Variants in RPTOR observed in about 807,000 individuals in gnomAD.
RPTOR encodes the protein regulatory associated protein of MTOR complex 1.
In RPTOR, 21 loss-of-function variants were observed where a neutral mutation model predicts 169.9. The ratio of observed to expected loss-of-function variants is 0.12; its 90% confidence interval spans 0.09 to 0.18. The LOEUF (loss-of-function observed/expected upper bound fraction) is 0.18. RPTOR is among the 10% of genes least tolerant of loss of function. The pLI, the probability that RPTOR is intolerant of heterozygous loss-of-function variation, is 1.00. For missense variants in RPTOR, 1,133 were observed against 1,855.9 expected (o/e 0.61, Z 7.16); for synonymous variants, 732 against 753.2 (o/e 0.97, Z 0.46).
chr17:80,930,396 T>TCAG (rs2068876297), intron 24 of RPTOR, among the ~76,000 whole-genome samples: 2 of 1,012 alleles, frequency 2.0e-3, no homozygotes, highest in Non-Finnish European at 2.2e-3. Context: ...CTCAGCTCAT[T>TCAG]CTCAGCTCAT....
At chr17:80,668,833 G>A (rs1358985981) in intron 3 of RPTOR, among the ~76,000 whole-genome samples, 3 of 152,254 alleles carry the variant, frequency 2.0e-5, no homozygotes, top group African/African-American at 7.2e-5. Flanking sequence ...ATTCGGGTTT[G>A]AGCATGAGAA....
chr17:80,596,569 A>G (rs1487991339), intron 1 of RPTOR, among the ~76,000 whole-genome samples: 4 of 151,898 alleles, frequency 2.6e-5, no homozygotes, highest in Non-Finnish European at 4.4e-5. Flanking sequence ...CAAGGTTTCT[A>G]TTTTACTTAT....
rs113570504 is a variant in RPTOR, at chr17:80,689,140, G to A, written c.349-18701G>A. On this transcript the variant is annotated intron_variant, in intron 3 of 33. Transcript: ENST00000306801. ...CATATGTATGGAGTATGTCTGTGCAGCATTCTTAAAGTGACAGGACTACCT... is the reference window on the plus strand; with the variant it reads ...CATATGTATGGAGTATGTCTGTGCAACATTCTTAAAGTGACAGGACTACCT... Among the ~76,000 whole-genome samples, 576 of 152,338 alleles carry A rather than the reference G, an allele frequency of 3.8e-3. 4 individuals are homozygous for A. The Middle Eastern group carries it at 0.041, about 11-fold the overall frequency.
chr17:80,849,375 C>G (rs1254626517), intron 11 of RPTOR, among the ~76,000 whole-genome samples: 2 of 152,212 alleles, frequency 1.3e-5, no homozygotes, highest in Non-Finnish European at 2.9e-5. Context: ...TTCGCAGCCC[C>G]TCCTGTAAAC....
chr17:80,828,354 C>G (rs1413421603), intron 9 of RPTOR, among the ~76,000 whole-genome samples: 3 of 152,216 alleles, frequency 2.0e-5, no homozygotes, highest in African/African-American at 2.4e-5. Context: ...ATTTTGCAGT[C>G]AGCTGCATCC....
At chr17:80,648,661 C>G (rs2065615210) in intron 3 of RPTOR, among the ~76,000 whole-genome samples, 1 of 152,120 alleles carries the variant, frequency 6.6e-6, no homozygotes, top group Non-Finnish European at 1.5e-5. Context: ...GTGGGCAAAG[C>G]AATTGGTATC....
intron 20 of RPTOR, among the ~76,000 whole-genome samples, chr17:80,894,743 G>A (rs1031427814): frequency 2.0e-5 from 3 of 151,992 alleles, no homozygotes; most frequent in Non-Finnish European, 4.4e-5. Flanking sequence ...AAAATTTACA[G>A]AGACTTATAT....
intron 1 of RPTOR, among the ~76,000 whole-genome samples, chr17:80,556,296 G>GAGCCC (rs1306138833): frequency 6.6e-6 from 1 of 152,110 alleles, no homozygotes; most frequent in East Asian, 1.9e-4. Flanking sequence ...ACTACATGCT[G>GAGCCC]AGCCCAGGAA....
chr17:80,742,576 A>T (rs1181593585), intron 5 of RPTOR, among the ~76,000 whole-genome samples: 1 of 92,380 alleles, frequency 1.1e-5, no homozygotes, highest in African/African-American at 4.1e-5. Flanking sequence ...ATGCACACAC[A>T]TAGACATATA....
chr17:80,578,597 G>A (rs142283638), intron 1 of RPTOR, among the ~76,000 whole-genome samples: 6 of 152,278 alleles, frequency 3.9e-5, no homozygotes, highest in African/African-American at 9.6e-5. Context: ...TCAACCAAGC[G>A]GATTTAGGTG....
intron 5 of RPTOR, among the ~76,000 whole-genome samples, chr17:80,735,708 C>T (rs1434144027): frequency 6.6e-6 from 1 of 152,120 alleles, no homozygotes; most frequent in African/African-American, 2.4e-5. Context: ...TGCCTTTCTT[C>T]TGCTGGGACA....
At chr17:80,688,112 A>G (rs990403450) in intron 3 of RPTOR, among the ~76,000 whole-genome samples, 2 of 152,168 alleles carry the variant, frequency 1.3e-5, no homozygotes, top group Non-Finnish European at 1.5e-5. Context: ...GCTTTTATTG[A>G]TAAGTAGTCA....
chr17:80,807,269 A>ATATT (rs1392461093), intron 7 of RPTOR, among the ~76,000 whole-genome samples: 3 of 152,184 alleles, frequency 2.0e-5, no homozygotes, highest in African/African-American at 7.2e-5. Context: ...AGTAATTGAT[A>ATATT]TATTTGGGTT....
At chr17:80,606,780 G>GCCATCCAT (rs138907285) in intron 1 of RPTOR, among the ~76,000 whole-genome samples, 16 of 151,508 alleles carry the variant, frequency 1.1e-4, no homozygotes, top group South Asian at 6.3e-4. Context: ...CTTCCGTCTG[G>GCCATCCAT]CCATCCATCC....
chr17:80,704,183 T>C (rs1159667131), intron 3 of RPTOR, among the ~76,000 whole-genome samples: 1 of 152,246 alleles, frequency 6.6e-6, no homozygotes, highest in African/African-American at 2.4e-5. Flanking sequence ...TTCAGACTTA[T>C]TTTCTAATTT....
At chr17:80,580,235 A>G (rs564442006) in intron 1 of RPTOR, among the ~76,000 whole-genome samples, 1 of 152,220 alleles carries the variant, frequency 6.6e-6, no homozygotes, top group Non-Finnish European at 1.5e-5. Context: ...GAGACAGTGT[A>G]TAAATCTTTG....
intron 3 of RPTOR, among the ~76,000 whole-genome samples, chr17:80,706,273 A>G (rs957549740): frequency 1.3e-5 from 2 of 151,634 alleles, no homozygotes; most frequent in Admixed American, 1.3e-4. Context: ...CCCCTCCCCA[A>G]CCCCAGAAGG....
Position 80,562,935 on chromosome 17 carries a change from C to T in RPTOR, c.162+17144C>T, listed in dbSNP as rs1444058911. Among the ~76,000 whole-genome samples the T allele has an allele frequency of 1.3e-5, 2 of 152,236 alleles. No individual in the cohort carries two copies. The highest frequency in any genetic ancestry group is 2.9e-5 in the Non-Finnish European group (2 of 68,040). ...TTAGTTTTCAGCTAGGTGTGACCGT[C>T]GCCTGCCTTGCTGCCGATGTCCTGA... On this transcript the variant is annotated intron_variant, in intron 1 of 33. Coordinates refer to ENST00000306801, the MANE Select transcript of RPTOR (RefSeq NM_020761.3). This position sits in a 1 kb window ranked among gnomAD's most constrained non-coding sequence, Gnocchi z 4.4.
intron 24 of RPTOR, among the ~76,000 whole-genome samples, chr17:80,927,228 A>G (rs779887803): frequency 3.9e-5 from 6 of 152,220 alleles, no homozygotes; most frequent in Admixed American, 2.6e-4. Flanking sequence ...TGAAAAGTCA[A>G]TGGAATTTAG....
Sources: allele counts gnomAD v4.1 joint callset (sites outside exome capture counted in the v4.1 genomes callset), GRCh38; gene constraint gnomAD v4.1.1; non-coding constraint Gnocchi (gnomAD v3.1); transcripts MANE v1.5; gene names NCBI Gene and HGNC (gene_info 2026-07-23, HGNC 2026-07-21).